Variants in CFAP47 observed in about 807,000 individuals in gnomAD.
CFAP47 encodes cilia- and flagella-associated protein 47.
Under a neutral mutation model 148.1 loss-of-function variants are expected in CFAP47, and 29 were observed. The observed-to-expected ratio is 0.20, with a 90% CI of 0.15 to 0.27. CFAP47 has a LOEUF of 0.27. Ranked by LOEUF, CFAP47 falls within the 10% of genes least tolerant of loss-of-function variation. The pLI is 1.00. For synonymous variants in CFAP47, 664 were observed against 577.3 expected, an observed-to-expected ratio of 1.15 and a Z score of -2.15; for missense variants, 1,872 against 1,697.5, an observed-to-expected ratio of 1.10 and a Z score of -1.81.
chrX:35,928,013 A>G (rs867231900), intron 2 of CFAP47, among the ~76,000 whole-genome samples: 6 of 103,414 alleles, frequency 5.8e-5, no homozygotes, highest in African/African-American at 7.0e-5. Flanking sequence ...ATATATATAT[A>G]TGTATATATA....
At chrX:36,121,239 G>C (rs901856735) in intron 33 of CFAP47, among the ~76,000 whole-genome samples, 1 of 110,639 alleles carries the variant, frequency 9.0e-6, no homozygotes, top group Admixed American at 9.7e-5. Flanking sequence ...TATAATTTTA[G>C]TCTATGTGTA....
At chrX:36,090,108 A>G (rs904458094) in intron 30 of CFAP47, among the ~76,000 whole-genome samples, 4 of 112,129 alleles carry the variant, frequency 3.6e-5, no homozygotes, top group African/African-American at 9.7e-5. Context: ...GTATTTATCA[A>G]TTATAGCCTC....
chrX:36,251,240 A>G (rs1569300026), intron 48 of CFAP47, 93 bp from the exon 49 acceptor site: 1 of 301,091 alleles, frequency 3.3e-6, no homozygotes, highest in Non-Finnish European at 5.8e-6. Flanking sequence ...AGTTTGTTCT[A>G]TGCTTTAACT....
chrX:36,085,375 A>G lies in CFAP47; in HGVS notation c.4753A>G (p.Asn1585Asp), dbSNP rs1301855795. Residue 1585 changes from asparagine (N) to aspartate (D), a missense_variant, in exon 30 of 64, where the codon AAT (asparagine) becomes GAT (aspartate). By Grantham distance (23) the Asn-to-Asp change is conservative. Transcript: ENST00000378653. ...TSPPQKFSRQ[N>D]DFSKYNKTIY... ...GCCACCCCAAAAGTTTTCCAGACAG[A>G]ATGACTTTTCCAAATATAATAAGAC... 1 of 1,208,549 alleles carries G rather than the reference A, an allele frequency of 8.3e-7. No homozygotes were observed. The highest frequency in any genetic ancestry group is 1.1e-6 in the Non-Finnish European group (1 of 893,307).
At chrX:35,987,094 C>T (rs1936726157) in intron 15 of CFAP47, among the ~76,000 whole-genome samples, 1 of 111,773 alleles carries the variant, frequency 8.9e-6, no homozygotes, top group South Asian at 3.8e-4. Flanking sequence ...CAGAGACCCA[C>T]TTGAGGAGGC....
chrX:36,203,167 T>G (rs1237038611), intron 44 of CFAP47, among the ~76,000 whole-genome samples: 1 of 111,776 alleles, frequency 8.9e-6, no homozygotes. Flanking sequence ...CTTTCTTGAC[T>G]GCACCGTGCT....
chrX:36,098,334 CAT>C (rs2061796138), intron 30 of CFAP47, among the ~76,000 whole-genome samples: 1 of 111,270 alleles, frequency 9.0e-6, no homozygotes, highest in Admixed American at 9.6e-5. Flanking sequence ...TTGGTGAGCT[CAT>C]GTTTTCCTGT....
chrX:35,931,383 A>G (rs1935824159), intron 2 of CFAP47, among the ~76,000 whole-genome samples: 1 of 110,840 alleles, frequency 9.0e-6, no homozygotes, highest in East Asian at 2.8e-4. Context: ...GTTTTTTCCT[A>G]TTCGTTTACT....
chrX:36,215,998 C>T (rs1444733741), intron 45 of CFAP47, among the ~76,000 whole-genome samples: 1 of 111,641 alleles, frequency 9.0e-6, no homozygotes, highest in African/African-American at 3.3e-5. Flanking sequence ...AGTGTGTTGA[C>T]TCAGAGCTTC....
chrX:36,232,532 C>T (rs1366916836), intron 46 of CFAP47, among the ~76,000 whole-genome samples: 1 of 111,544 alleles, frequency 9.0e-6, no homozygotes, highest in Admixed American at 9.5e-5. Flanking sequence ...TGCTAGTGGT[C>T]TATCAATTTT....
chrX:35,966,358 T>A (rs992353381), intron 8 of CFAP47, among the ~76,000 whole-genome samples: 2 of 104,685 alleles, frequency 1.9e-5, no homozygotes, highest in Admixed American at 1.0e-4. Context: ...AAATAAAAAA[T>A]TTTAATAATT....
intron 45 of CFAP47, among the ~76,000 whole-genome samples, chrX:36,216,180 C>G (rs781964180): frequency 8.9e-6 from 1 of 112,319 alleles, no homozygotes; most frequent in East Asian, 2.8e-4. Flanking sequence ...TCAGGGTCTG[C>G]GGGCAGAGCC....
intron 45 of CFAP47, among the ~76,000 whole-genome samples, chrX:36,222,547 TAATA>T (rs1196939804): frequency 3.6e-5 from 4 of 110,551 alleles, no homozygotes; most frequent in Non-Finnish European, 5.7e-5. Context: ...TTGAATATTA[TAATA>T]AATATAACAA....
At chrX:36,081,421 A>C (rs757412692) in intron 29 of CFAP47, among the ~76,000 whole-genome samples, 8 of 111,662 alleles carry the variant, frequency 7.2e-5, no homozygotes, top group African/African-American at 2.3e-4. Context: ...TATTCAAAGA[A>C]GAGCTGTTAA....
At chrX:36,148,383 A>C (rs2146840821) in intron 36 of CFAP47, among the ~76,000 whole-genome samples, 1 of 111,897 alleles carries the variant, frequency 8.9e-6, no homozygotes, top group Admixed American at 9.5e-5. Context: ...GGACATGCCC[A>C]AAGGTGGGGC....
In CFAP47 at chrX:36,206,378, G is replaced by T. The variant is rs782353984; in HGVS notation, c.6817+1268G>T. 9.0e-5 allele frequency among the ~76,000 whole-genome samples: 10 copies of T among 111,586 alleles called. No individual in the cohort carries two copies. In the South Asian group the frequency reaches 3.7e-3, roughly 42 times the overall value. Reference sequence around the variant, plus strand: ...TGCATCTACTTTGAAACACAGAGAGGATTGTGAATGTATTTATTCAGCCAT... The same window carrying T: ...TGCATCTACTTTGAAACACAGAGAGTATTGTGAATGTATTTATTCAGCCAT... On this transcript the variant is annotated intron_variant, in intron 45 of 63. Transcript: ENST00000378653.
intron 50 of CFAP47, among the ~76,000 whole-genome samples, chrX:36,281,035 T>C (rs1556003527): frequency 8.9e-6 from 1 of 112,014 alleles, no homozygotes; most frequent in Admixed American, 9.5e-5. Flanking sequence ...ACACTATTTT[T>C]CCCCCTATAT....
At chrX:35,944,903 G>A (rs1259340008) in intron 3 of CFAP47, among the ~76,000 whole-genome samples, 1 of 112,122 alleles carries the variant, frequency 8.9e-6, no homozygotes, top group Non-Finnish European at 1.9e-5. Context: ...CAAGTCTATA[G>A]GTCTGTTTTA....
intron 49 of CFAP47, among the ~76,000 whole-genome samples, chrX:36,252,613 G>C (rs1174114326): frequency 9.0e-6 from 1 of 111,361 alleles, no homozygotes; most frequent in Non-Finnish European, 1.9e-5. Flanking sequence ...AATGTCTCTA[G>C]TCCAAACATT....
Sources: gnomAD v4.1 joint callset for allele counts (sites outside exome capture counted in the v4.1 genomes callset) on GRCh38, gnomAD v4.1.1 for gene constraint, MANE v1.5 for transcripts, NCBI Gene and HGNC (gene_info 2026-07-23, HGNC 2026-07-21) for gene names.